EPAS1: variants seen among roughly 807,000 people sequenced by gnomAD.
The protein encoded by EPAS1 is endothelial PAS domain-containing protein 1.
A neutral mutation model predicts 87.9 loss-of-function variants in EPAS1; 23 were observed. The observed-to-expected ratio is 0.26, with a 90% CI of 0.19 to 0.37. EPAS1 has a LOEUF of 0.37. Ranked by LOEUF, EPAS1 falls within the 10% of genes least tolerant of loss-of-function variation. The pLI is 1.00. For missense variants in EPAS1, 1,138 were observed against 1,120.7 expected (o/e 1.02, Z -0.22); for synonymous variants, 508 against 444.3 (o/e 1.14, Z -1.80).
intron 1 of EPAS1, among the ~76,000 whole-genome samples, chr2:46,301,967 C>T (rs527610046): frequency 2.0e-5 from 3 of 152,188 alleles, no homozygotes; most frequent in East Asian, 1.9e-4. Context: ...ATGCAAGGAC[C>T]GCTCCTCAGT....
intron 1 of EPAS1, among the ~76,000 whole-genome samples, chr2:46,298,933 G>A (rs1682940635): frequency 6.6e-6 from 1 of 152,218 alleles, no homozygotes; most frequent in Admixed American, 6.5e-5. Flanking sequence ...GGCCCCAGTG[G>A]CCTGGAGCTT....
At chr2:46,348,826 C>A (rs1272217889) in intron 2 of EPAS1, among the ~76,000 whole-genome samples, 1 of 152,170 alleles carries the variant, frequency 6.6e-6, no homozygotes, top group African/African-American at 2.4e-5. Flanking sequence ...ATGAGCATTT[C>A]CTTTGAATGT....
chr2:46,310,118 C>G (rs887987489), intron 1 of EPAS1, among the ~76,000 whole-genome samples: 1 of 152,190 alleles, frequency 6.6e-6, no homozygotes, highest in African/African-American at 2.4e-5. Context: ...ATGTCTGAGT[C>G]TCCTAGTGCA....
chr2:46,363,991 A>G (rs1412316289), intron 6 of EPAS1, among the ~76,000 whole-genome samples: 1 of 152,238 alleles, frequency 6.6e-6, no homozygotes, highest in East Asian at 1.9e-4. Flanking sequence ...CCTAAGTGTT[A>G]TATCTTAATT....
intron 1 of EPAS1, among the ~76,000 whole-genome samples, chr2:46,299,821 T>A (rs1404178848): frequency 6.6e-6 from 1 of 152,068 alleles, no homozygotes; most frequent in Non-Finnish European, 1.5e-5. Flanking sequence ...AGCGGACTGT[T>A]GGAAAGAGAG....
At chr2:46,354,256 T>TTAG (rs762119802) in intron 2 of EPAS1, among the ~76,000 whole-genome samples, 3 of 152,226 alleles carry the variant, frequency 2.0e-5, no homozygotes, top group Non-Finnish European at 4.4e-5. Flanking sequence ...TCTACATTCC[T>TTAG]TAGAATAGTC....
chr2:46,331,555 A>G (rs1187957931), intron 1 of EPAS1, among the ~76,000 whole-genome samples: 1 of 152,180 alleles, frequency 6.6e-6, no homozygotes, highest in Non-Finnish European at 1.5e-5. Context: ...CCACCATGGG[A>G]AAAGAACAGA....
At chr2:46,327,664 C>T (rs1166219315) in intron 1 of EPAS1, among the ~76,000 whole-genome samples, 3 of 152,210 alleles carry the variant, frequency 2.0e-5, no homozygotes, top group African/African-American at 7.2e-5. Flanking sequence ...TAAAGAGGCT[C>T]AAACCAGCTT....
Position 46,384,563 on chromosome 2 carries a change from T to C in EPAS1, c.2516T>C (p.Leu839Pro). ...TTTGAGTCCTACCTGCTGCCCGAACTGACCAGATATGACTGTGAGGTGAAC... is the reference window on the plus strand; with the variant it reads ...TTTGAGTCCTACCTGCTGCCCGAACCGACCAGATATGACTGTGAGGTGAAC... ...PSFESYLLPE[L>P]TRYDCEVNVP... The change falls in exon 16 of 16, where the codon CTG becomes CCG. Residue 839 changes from leucine to proline, a missense_variant. Physicochemically the swap from Leu to Pro is moderately conservative, Grantham distance 98. Transcript: ENST00000263734. 6.2e-7 allele frequency: 1 copy of C among 1,614,198 alleles called. No individual in the cohort carries two copies. Among genetic ancestry groups the C allele is most frequent in the Non-Finnish European group, 8.5e-7 (1 of 1,180,036 alleles).
intron 1 of EPAS1, among the ~76,000 whole-genome samples, chr2:46,328,056 C>T (rs989240976): frequency 3.3e-5 from 5 of 152,306 alleles, no homozygotes; most frequent in African/African-American, 1.2e-4. Context: ...ATTTTTCTTC[C>T]AGTCTAACTA....
At chr2:46,338,561 G>T (rs1683845764) in intron 1 of EPAS1, among the ~76,000 whole-genome samples, 1 of 152,228 alleles carries the variant, frequency 6.6e-6, no homozygotes, top group Admixed American at 6.5e-5. Flanking sequence ...AAGATGAGGG[G>T]TGGGAAAGAT....
chr2:46,359,821 C>T (rs892132966), intron 4 of EPAS1, among the ~76,000 whole-genome samples: 1 of 152,168 alleles, frequency 6.6e-6, no homozygotes, highest in African/African-American at 2.4e-5. Context: ...AGGATTTAGA[C>T]ACAGACAAGT....
intron 14 of EPAS1, 96 bp from the exon 15 acceptor site, chr2:46,382,329 G>T: frequency 6.7e-7 from 1 of 1,502,296 alleles, no homozygotes; most frequent in South Asian, 1.1e-5. Flanking sequence ...TGGTGACTCT[G>T]AGCACCTTTT....
Position 46,375,962 on chromosome 2 carries a change from G to A in EPAS1, c.1034+125G>A, listed in dbSNP as rs1684736935. Reference sequence around the variant, plus strand: ...AGCGCCCTGGGCACCACCTCAGGGAGGTCTTGCAGGGCTAACCCTAGTGAC... The same window carrying A: ...AGCGCCCTGGGCACCACCTCAGGGAAGTCTTGCAGGGCTAACCCTAGTGAC... On this transcript the variant is annotated intron_variant, in intron 8 of 15. Coordinates refer to ENST00000263734, the MANE Select transcript of EPAS1 (RefSeq NM_001430.5). This position sits in a 1 kb window ranked among gnomAD's most constrained non-coding sequence, Gnocchi z 4.1. The A allele has an allele frequency of 7.8e-7, 1 of 1,275,822 alleles. No homozygotes were observed. The highest frequency in any genetic ancestry group is 1.5e-5 in the African/African-American group (1 of 68,494). The allele number at this position is 1,275,822 out of a possible 1,614,324, so 79.0% of individuals were successfully genotyped here.
intron 6 of EPAS1, among the ~76,000 whole-genome samples, chr2:46,367,530 C>A (rs1201696041): frequency 6.6e-6 from 1 of 152,242 alleles, no homozygotes; most frequent in Non-Finnish European, 1.5e-5. Flanking sequence ...CCTTGTTCCC[C>A]CCAGTCTCCA....
intron 1 of EPAS1, among the ~76,000 whole-genome samples, chr2:46,343,006 A>G (rs1389113713): frequency 1.3e-5 from 2 of 152,162 alleles, no homozygotes; most frequent in Non-Finnish European, 2.9e-5. Context: ...AACAAACCCA[A>G]AACAAACCCA....
chr2:46,381,960 C>G lies in EPAS1; in HGVS notation c.2173-15C>G. ...CTGGCCATTTCCCCTTTCCATCTGC[C>G]CTTCTTACTCCCAGGGGGACCCACC... On this transcript the variant is annotated splice_polypyrimidine_tract_variant and intron_variant, in intron 13 of 15. Coordinates refer to ENST00000263734, the MANE Select transcript of EPAS1 (RefSeq NM_001430.5). 1 of 1,610,694 alleles carries G rather than the reference C, an allele frequency of 6.2e-7. No homozygotes were observed. Among genetic ancestry groups the G allele is most frequent in the Non-Finnish European group, 8.5e-7 (1 of 1,177,310 alleles).
chr2:46,382,442 C>T lies in EPAS1; in HGVS notation c.2305C>T (p.Pro769Ser). 1 of 1,614,122 alleles carries T rather than the reference C, an allele frequency of 6.2e-7. No individual in the cohort carries two copies. The highest frequency in any genetic ancestry group is 8.5e-7 in the Non-Finnish European group (1 of 1,180,032). Residue 769 changes from proline to serine, a missense_variant, in exon 15 of 16, where the codon CCC (proline) becomes TCC (serine). Coordinates refer to ENST00000263734, the MANE Select transcript of EPAS1 (RefSeq NM_001430.5). Reference protein sequence around the residue: ...NVPNDKFTQNPMRGLGHPLRH... With the variant: ...NVPNDKFTQNSMRGLGHPLRH... ...TCTTTCAGATAAGTTCACCCAAAAC[C>T]CCATGAGGGGCCTGGGCCATCCCCT... is the stretch of plus-strand genomic sequence containing the variant.
At chr2:46,354,823 A>G (rs1190959254) in intron 2 of EPAS1, among the ~76,000 whole-genome samples, 1 of 151,998 alleles carries the variant, frequency 6.6e-6, no homozygotes, top group East Asian at 1.9e-4. Context: ...CACCAGCCCA[A>G]TCTCTGAGAC....
Sources: gnomAD v4.1 joint callset for allele counts (sites outside exome capture counted in the v4.1 genomes callset) on GRCh38, gnomAD v4.1.1 for gene constraint, Gnocchi (gnomAD v3.1) non-coding constraint, MANE v1.5 for transcripts, NCBI Gene and HGNC (gene_info 2026-07-23, HGNC 2026-07-21) for gene names.